Variants in SNX25 observed in about 807,000 individuals in gnomAD.
SNX25 encodes sorting nexin-25.
Under a neutral mutation model 113.7 loss-of-function variants are expected in SNX25, and 62 were observed. The observed-to-expected ratio is 0.55, with a 90% CI of 0.44 to 0.67. The LOEUF (loss-of-function observed/expected upper bound fraction) is 0.67, where lower values mean the gene tolerates loss of function less well. SNX25 is among the 30% of genes least tolerant of loss of function. SNX25 has a pLI of 0.00. For synonymous variants in SNX25, 421 were observed against 436.2 expected (o/e 0.97, Z 0.43); for missense variants, 1,014 against 1,161.0 (o/e 0.87, Z 1.84).
chr4:185,351,689 A>G, intron 14 of SNX25, 80 bp downstream of exon 14: 3 of 1,438,632 alleles, frequency 2.1e-6, no homozygotes, highest in Non-Finnish European at 2.8e-6. Context: ...GGGGGAAGCA[A>G]ATCCCTCTAT....
Position 185,255,830 on chromosome 4 carries a change from A to G in SNX25, c.515-3018A>G, listed in dbSNP as rs147004892. On this transcript the variant is annotated intron_variant, in intron 2 of 18. Coordinates refer to ENST00000652585, the MANE Select transcript of SNX25 (RefSeq NM_001378034.2). ...CCTGAAGGGACGAAACTCACTTACTATGTAGGAACTGTGGTCTATTTGTTT... is the reference window on the plus strand; with the variant it reads ...CCTGAAGGGACGAAACTCACTTACTGTGTAGGAACTGTGGTCTATTTGTTT... 1.1e-4 allele frequency among the ~76,000 whole-genome samples: 16 copies of G among 152,280 alleles called. No individual in the cohort carries two copies. In the East Asian group the frequency reaches 1.2e-3, roughly 11 times the overall value.
chr4:185,322,622 C>T lies in SNX25; in HGVS notation c.1477-906C>T, dbSNP rs190249291. ...CAAGCCCCAAATTACCTAATTTTAT[C>T]CAATATTGTAGTTGCTAACTCTATT... On this transcript the variant is annotated intron_variant, in intron 8 of 18. Coordinates refer to ENST00000652585, the MANE Select transcript of SNX25 (RefSeq NM_001378034.2). 4.7e-4 allele frequency among the ~76,000 whole-genome samples: 72 copies of T among 152,258 alleles called. 1 individual carries two copies. The highest frequency in any genetic ancestry group is 4.7e-3 in the Admixed American group (72 of 15,296).
chr4:185,247,438 GA>G, intron 2 of SNX25, 60 bp downstream of exon 2: 3 of 1,220,486 alleles, frequency 2.5e-6, no homozygotes, highest in Non-Finnish European at 3.6e-6. Context: ...GTTCTAAGAG[GA>G]AAATAATAAT....
chr4:185,298,888 C>T (rs1193368472), intron 6 of SNX25, among the ~76,000 whole-genome samples: 1 of 152,168 alleles, frequency 6.6e-6, no homozygotes, highest in Non-Finnish European at 1.5e-5. Context: ...TCCGTCATGG[C>T]AGTAGAGAAT....
intron 3 of SNX25, among the ~76,000 whole-genome samples, chr4:185,260,886 T>C (rs1747203542): frequency 6.6e-6 from 1 of 152,170 alleles, no homozygotes; most frequent in African/African-American, 2.4e-5. Flanking sequence ...ATAGGGCTCC[T>C]GAGTTACCTC....
chr4:185,253,660 G>A (rs1745991272), intron 2 of SNX25, among the ~76,000 whole-genome samples: 1 of 151,956 alleles, frequency 6.6e-6, no homozygotes, highest in Admixed American at 6.6e-5. Flanking sequence ...GTAGAGATGG[G>A]GTTTCACCAT....
rs117815936 is a variant in SNX25 at position 185,263,242 on chromosome 4, T to C, written c.732-1196T>C. 1.2e-3 allele frequency among the ~76,000 whole-genome samples: 179 copies of C among 152,266 alleles called. No homozygotes were observed. In the East Asian group the frequency reaches 0.03, roughly 25 times the overall value. ...TTCTCTTGTAAAAGTGGTTTTTTTT[T>C]CCAACTTCCTCCAGTGCTTATTAGC... On this transcript the variant is annotated intron_variant, in intron 3 of 18. Coordinates refer to ENST00000652585, the MANE Select transcript of SNX25 (RefSeq NM_001378034.2).
chr4:185,256,604 C>A (rs917205282), intron 2 of SNX25, among the ~76,000 whole-genome samples: 6 of 150,754 alleles, frequency 4.0e-5, no homozygotes, highest in East Asian at 3.9e-4. Flanking sequence ...TCCCTCCCCC[C>A]AGAGAGCTCA....
At chr4:185,360,918 C>CAAA (rs972994015) in intron 16 of SNX25, among the ~76,000 whole-genome samples, 1 of 115,920 alleles carries the variant, frequency 8.6e-6, no homozygotes, top group African/African-American at 4.3e-5. Flanking sequence ...GACTCCGTCT[C>CAAA]AAAAAAAAAA....
chr4:185,331,977 C>T (rs2095198605), intron 9 of SNX25, among the ~76,000 whole-genome samples: 1 of 152,238 alleles, frequency 6.6e-6, no homozygotes, highest in African/African-American at 2.4e-5. Context: ...ATTGCTGTTG[C>T]TGCTCTTGAA....
At chr4:185,360,930 A>AATACATATATAT (rs1554014149) in intron 16 of SNX25, among the ~76,000 whole-genome samples, 6 of 139,610 alleles carry the variant, frequency 4.3e-5, no homozygotes, top group African/African-American at 1.6e-4. Context: ...AAAAAAAAAT[A>AATACATATATAT]ATATATATAT....
intron 5 of SNX25, among the ~76,000 whole-genome samples, chr4:185,267,604 G>A (rs550177802): frequency 2.6e-5 from 4 of 152,154 alleles, no homozygotes; most frequent in Admixed American, 2.0e-4. Flanking sequence ...GGTGGCACAT[G>A]CCTGTAGTCC....
intron 1 of SNX25, among the ~76,000 whole-genome samples, chr4:185,222,807 T>C (rs1242772732): frequency 1.3e-5 from 2 of 152,220 alleles, no homozygotes; most frequent in Non-Finnish European, 2.9e-5. Context: ...GTCATTGGTC[T>C]GAATGTGAAT....
At chr4:185,220,216 G>A (rs998764007) in intron 1 of SNX25, among the ~76,000 whole-genome samples, 2 of 152,042 alleles carry the variant, frequency 1.3e-5, no homozygotes, top group African/African-American at 4.8e-5. Context: ...GGTACCCGAA[G>A]CTTGAGTCTG....
chr4:185,227,515 C>T (rs1741202495), intron 1 of SNX25, among the ~76,000 whole-genome samples: 1 of 152,228 alleles, frequency 6.6e-6, no homozygotes, highest in Admixed American at 6.5e-5. Flanking sequence ...ATGTTCAGCT[C>T]TACTTGTTAA....
At chr4:185,288,107 G>C in intron 6 of SNX25, 25 bp downstream of exon 6, 1 of 1,598,366 alleles carries the variant, frequency 6.3e-7, no homozygotes, top group African/African-American at 1.3e-5. Context: ...GTTTTCTTCA[G>C]TTCCACATCT....
chr4:185,245,694 A>G (rs1429309930), intron 1 of SNX25, among the ~76,000 whole-genome samples: 1 of 152,186 alleles, frequency 6.6e-6, no homozygotes, highest in Admixed American at 6.5e-5. Flanking sequence ...ATACAGACAC[A>G]CATAGACTTA....
At chr4:185,216,513 GTTTTT>G (rs34410263) in intron 1 of SNX25, among the ~76,000 whole-genome samples, 2 of 96,730 alleles carry the variant, frequency 2.1e-5, no homozygotes, top group African/African-American at 7.8e-5. Flanking sequence ...TGTGTATTTG[GTTTTT>G]TTTTTTTTTT....
intron 7 of SNX25, among the ~76,000 whole-genome samples, chr4:185,316,578 G>A (rs1051953149): frequency 6.6e-6 from 1 of 152,166 alleles, no homozygotes. Flanking sequence ...TAAAATAAGG[G>A]TTGAAGAGGA....
Sources: allele counts gnomAD v4.1 joint callset (sites outside exome capture counted in the v4.1 genomes callset), GRCh38; gene constraint gnomAD v4.1.1; transcripts MANE v1.5; gene names NCBI Gene and HGNC (gene_info 2026-07-23, HGNC 2026-07-21).